Variants in CHRM3 observed in about 807,000 individuals in gnomAD.
CHRM3 encodes cholinergic receptor muscarinic 3.
A neutral mutation model predicts 41.8 loss-of-function variants in CHRM3; 11 were observed. The observed-to-expected ratio is 0.26, with a 90% CI of 0.17 to 0.44. CHRM3 has a LOEUF of 0.44. CHRM3 is among the 20% of genes least tolerant of loss of function. CHRM3 has a pLI of 1.00. For missense variants in CHRM3, 571 were observed against 745.4 expected (o/e 0.77, Z 2.72); for synonymous variants, 297 against 301.4 (o/e 0.99, Z 0.15).
At chr1:239,532,202 A>G (rs11811345) in intron 2 of CHRM3, among the ~76,000 whole-genome samples, 135,979 of 145,624 alleles carry the variant, frequency 0.93, 64,082 homozygotes, top group Non-Finnish European at 1. Context: ...TAGTAGAGAC[A>G]GGGTTTCACC....
At chr1:239,401,496 C>CTT (rs1028998993) in intron 1 of CHRM3, among the ~76,000 whole-genome samples, 1 of 148,640 alleles carries the variant, frequency 6.7e-6, no homozygotes, top group Non-Finnish European at 1.5e-5. Context: ...CTCTTTTTTC[C>CTT]TTTTTTTTTT....
intron 2 of CHRM3, among the ~76,000 whole-genome samples, chr1:239,531,946 G>A (rs1481963724): frequency 1.2e-4 from 17 of 142,682 alleles, no homozygotes; most frequent in African/African-American, 2.1e-4. Flanking sequence ...GGCTCGAGCC[G>A]CCGTGCCTGG....
rs148360133 is a variant in CHRM3 at position 239,458,654 on chromosome 1, C to A, written c.-520-34055C>A. Among the ~76,000 whole-genome samples, 404 of 152,150 alleles carry A rather than the reference C, an allele frequency of 2.7e-3. 4 individuals carry two copies. Among genetic ancestry groups the A allele is most frequent in the Non-Finnish European group, 3.0e-3 (204 of 67,980 alleles). Reference sequence around the variant, plus strand: ...ATCATCAGTGTACAAGCTTTATAACCCAAAGCATTTGATTCTTGAATGCAT... The same window carrying A: ...ATCATCAGTGTACAAGCTTTATAACACAAAGCATTTGATTCTTGAATGCAT... On this transcript the variant is annotated intron_variant, in intron 1 of 6. Transcript: ENST00000676153.
chr1:239,524,776 C>A (rs931113262), intron 2 of CHRM3, among the ~76,000 whole-genome samples: 1 of 152,124 alleles, frequency 6.6e-6, no homozygotes, highest in Non-Finnish European at 1.5e-5. Context: ...TGCACAGTTG[C>A]CTGGCTTAGG....
chr1:239,557,685 G>A (rs1660491016), intron 3 of CHRM3, among the ~76,000 whole-genome samples: 1 of 152,046 alleles, frequency 6.6e-6, no homozygotes, highest in African/African-American at 2.4e-5. Context: ...CCCTCCCTGT[G>A]TCCACGTGTT....
chr1:239,499,346 A>C lies in CHRM3; in HGVS notation c.-422+6539A>C, dbSNP rs546792006. ...ATAGTATTTGAAAATAGGTGTAAAA[A>C]GATATTTCAGGCAGAGGGAGGAGCT... On this transcript the variant is annotated intron_variant, in intron 2 of 6. Coordinates refer to ENST00000676153, the MANE Select transcript of CHRM3 (RefSeq NM_001375978.1). Among the ~76,000 whole-genome samples the C allele has an allele frequency of 3.3e-5, 5 of 152,324 alleles. No homozygotes were observed. The South Asian group carries it at 8.3e-4, about 25-fold the overall frequency.
At chr1:239,804,980 C>A (rs984923794) in intron 5 of CHRM3, among the ~76,000 whole-genome samples, 1 of 152,210 alleles carries the variant, frequency 6.6e-6, no homozygotes, top group Non-Finnish European at 1.5e-5. Context: ...TCATTTCCAT[C>A]TCCTGTTCTT....
At chr1:239,565,465 C>T (rs1661262351) in intron 3 of CHRM3, among the ~76,000 whole-genome samples, 1 of 152,108 alleles carries the variant, frequency 6.6e-6, no homozygotes, top group African/African-American at 2.4e-5. Context: ...CTCTTTACCC[C>T]AGATGCTGCA....
chr1:239,899,458 A>G (rs1032679870), intron 6 of CHRM3, among the ~76,000 whole-genome samples: 2 of 147,418 alleles, frequency 1.4e-5, no homozygotes, highest in Non-Finnish European at 3.0e-5. Context: ...ATATGTATAT[A>G]CATACGTATA....
chr1:239,455,397 G>C (rs960544998), intron 1 of CHRM3, among the ~76,000 whole-genome samples: 2 of 151,638 alleles, frequency 1.3e-5, no homozygotes, highest in African/African-American at 4.8e-5. Context: ...CCTCAGGCAG[G>C]TCCCTCAAGG....
Position 239,757,596 on chromosome 1 carries a change from C to T in CHRM3, c.-146-69656C>T, listed in dbSNP as rs1012372581. Reference sequence around the variant, plus strand: ...AGTGAGCCGAGATCGCGCCACTGCACGCCAGCCTGGGTCACAGAGTGAGAC... The same window carrying T: ...AGTGAGCCGAGATCGCGCCACTGCATGCCAGCCTGGGTCACAGAGTGAGAC... On this transcript the variant is annotated intron_variant, in intron 5 of 6. Transcript: ENST00000676153. 6.7e-5 allele frequency among the ~76,000 whole-genome samples: 10 copies of T among 150,164 alleles called. No individual in the cohort carries two copies. In the South Asian group the frequency reaches 8.4e-4, roughly 13 times the overall value.
intron 2 of CHRM3, among the ~76,000 whole-genome samples, chr1:239,526,846 G>T (rs899323704): frequency 1.3e-5 from 2 of 152,106 alleles, no homozygotes; most frequent in Non-Finnish European, 2.9e-5. Flanking sequence ...TCATGGCTGG[G>T]TGCAGTGGCT....
At chr1:239,786,946 A>T (rs1668952636) in intron 5 of CHRM3, among the ~76,000 whole-genome samples, 1 of 152,220 alleles carries the variant, frequency 6.6e-6, no homozygotes, top group South Asian at 2.1e-4. Context: ...AAGCAAACTC[A>T]ATGATAAATT....
At chr1:239,527,550 CT>C (rs2148304400) in intron 2 of CHRM3, among the ~76,000 whole-genome samples, 1 of 152,256 alleles carries the variant, frequency 6.6e-6, no homozygotes, top group South Asian at 2.1e-4. Context: ...GAGATTTTTG[CT>C]CTCTCCTTCA....
At chr1:239,561,437 C>A (rs749806936) in intron 3 of CHRM3, among the ~76,000 whole-genome samples, 5 of 152,060 alleles carry the variant, frequency 3.3e-5, no homozygotes, top group Non-Finnish European at 5.9e-5. Flanking sequence ...ATGCTATTTT[C>A]TCAGATTATG....
chr1:239,470,093 G>T (rs1666013582), intron 1 of CHRM3, among the ~76,000 whole-genome samples: 1 of 152,108 alleles, frequency 6.6e-6, no homozygotes, highest in African/African-American at 2.4e-5. Flanking sequence ...GTTGAGATGA[G>T]ATCATCCTGG....
intron 5 of CHRM3, among the ~76,000 whole-genome samples, chr1:239,688,539 T>C (rs181377122): frequency 0.045 from 6,247 of 138,190 alleles, 243 homozygotes; most frequent in African/African-American, 0.096. Context: ...TTACATATAT[T>C]CCCATTTATT....
intron 5 of CHRM3, among the ~76,000 whole-genome samples, chr1:239,724,867 G>A (rs1663291222): frequency 6.6e-6 from 1 of 151,450 alleles, no homozygotes; most frequent in Admixed American, 6.6e-5. Context: ...TCTAAATATG[G>A]TCTTGAACTT....
chr1:239,770,665 C>A (rs1429165519), intron 5 of CHRM3, among the ~76,000 whole-genome samples: 3 of 152,060 alleles, frequency 2.0e-5, no homozygotes, highest in African/African-American at 7.2e-5. Flanking sequence ...AGTAGAGGGA[C>A]CTGAGTGATG....
Sources: allele counts gnomAD v4.1 joint callset (sites outside exome capture counted in the v4.1 genomes callset), GRCh38; gene constraint gnomAD v4.1.1; transcripts MANE v1.5; gene names NCBI Gene and HGNC (gene_info 2026-07-23, HGNC 2026-07-21).